Variants in SLC26A8 observed in about 807,000 individuals in gnomAD.
The protein encoded by SLC26A8 is testis anion transporter 1.
A neutral mutation model predicts 105.0 loss-of-function variants in SLC26A8; 70 were observed. The ratio of observed to expected loss-of-function variants is 0.67; its 90% confidence interval spans 0.55 to 0.81. The LOEUF (loss-of-function observed/expected upper bound fraction) is 0.81, where lower values mean the gene tolerates loss of function less well. Among genes scored for constraint, SLC26A8 ranks in the 40% least tolerant of loss-of-function variants. SLC26A8 has a pLI of 0.00. For synonymous variants in SLC26A8, 415 were observed against 438.3 expected (o/e 0.95, Z 0.66); for missense variants, 998 against 1,181.8 (o/e 0.84, Z 2.28).
At chr6:35,982,732 G>A (rs1394592120) in intron 7 of SLC26A8, among the ~76,000 whole-genome samples, 3 of 152,138 alleles carry the variant, frequency 2.0e-5, no homozygotes, top group Non-Finnish European at 4.4e-5. Flanking sequence ...AAAGTTTTTA[G>A]TTCCAGGTAC....
At chr6:35,994,405 C>T (rs560655238) in intron 5 of SLC26A8, among the ~76,000 whole-genome samples, 1 of 151,728 alleles carries the variant, frequency 6.6e-6, no homozygotes, top group Non-Finnish European at 1.5e-5. Context: ...TGAGCCACTG[C>T]GCCCTGCCAA....
chr6:36,008,051 C>T (rs995349480), intron 3 of SLC26A8, among the ~76,000 whole-genome samples: 10 of 145,310 alleles, frequency 6.9e-5, no homozygotes, highest in African/African-American at 1.0e-4. Context: ...ACTCGGGAGG[C>T]GGAGCTTGCA....
intron 11 of SLC26A8, 24 bp downstream of exon 11, chr6:35,968,853 A>G (rs1278387538): frequency 2.2e-6 from 3 of 1,350,522 alleles, no homozygotes; most frequent in African/African-American, 3.3e-5. Context: ...TTGTTGACTT[A>G]GTTATTTGAT....
At chr6:35,985,510 T>G (rs551479923) in intron 7 of SLC26A8, among the ~76,000 whole-genome samples, 5 of 151,616 alleles carry the variant, frequency 3.3e-5, no homozygotes, top group Admixed American at 6.6e-5. Flanking sequence ...CTGGCCAACA[T>G]GGTGAAACCC....
chr6:35,961,817 G>A (rs1772316862), intron 12 of SLC26A8, among the ~76,000 whole-genome samples: 2 of 152,132 alleles, frequency 1.3e-5, no homozygotes, highest in Admixed American at 1.3e-4. Flanking sequence ...TCTGACCTCC[G>A]GTTTTGTGCT....
intron 10 of SLC26A8, among the ~76,000 whole-genome samples, chr6:35,973,779 A>G (rs1405784515): frequency 1.2e-4 from 18 of 152,188 alleles, no homozygotes; most frequent in Admixed American, 1.2e-3. Context: ...TTCCATGTGA[A>G]AGTTGACTGT....
intron 7 of SLC26A8, among the ~76,000 whole-genome samples, chr6:35,989,133 C>T (rs770053950): frequency 6.6e-6 from 1 of 152,150 alleles, no homozygotes; most frequent in Non-Finnish European, 1.5e-5. Context: ...AGCCACCGCA[C>T]CCGGCCAGTT....
intron 16 of SLC26A8, among the ~76,000 whole-genome samples, chr6:35,956,428 CAAA>C (rs56146863): frequency 1.0e-3 from 107 of 105,828 alleles, no homozygotes; most frequent in Middle Eastern, 4.9e-3. Flanking sequence ...ACCTTATGTC[CAAA>C]AAAAAAAAAA....
chr6:35,948,117 C>T (rs1311507547), intron 19 of SLC26A8, among the ~76,000 whole-genome samples: 1 of 152,062 alleles, frequency 6.6e-6, no homozygotes, highest in Non-Finnish European at 1.5e-5. Context: ...TTTAATACAA[C>T]TCTAATGATT....
At chr6:35,979,125 T>C (rs1400892316) in intron 8 of SLC26A8, among the ~76,000 whole-genome samples, 2 of 151,082 alleles carry the variant, frequency 1.3e-5, no homozygotes, top group African/African-American at 4.9e-5. Flanking sequence ...GTGCTGGGAT[T>C]ACAGGCATGA....
At chr6:35,983,743 TG>T (rs1739620138) in intron 7 of SLC26A8, among the ~76,000 whole-genome samples, 1 of 151,874 alleles carries the variant, frequency 6.6e-6, no homozygotes, top group African/African-American at 2.4e-5. Flanking sequence ...TTAGTAGAGA[TG>T]GGGTTTTGCC....
In SLC26A8 at chr6:35,959,456, T is replaced by G. The variant is rs1306016851; in HGVS notation, c.1863+4A>C. On this transcript the variant is annotated splice_donor_region_variant and intron_variant, in intron 16 of 19. Coordinates refer to ENST00000490799, the MANE Select transcript of SLC26A8 (RefSeq NM_052961.4). The stretch of plus-strand genomic sequence containing the variant: ...AAACATAGGAAAGAAAAGGCATTTC[T>G]AACCCTGGGCAGCGGCTCCAGATCA... 1.9e-6 allele frequency: 3 copies of G among 1,603,110 alleles called. No individual in the cohort carries two copies. Among genetic ancestry groups the G allele is most frequent in the Non-Finnish European group, 2.5e-6 (3 of 1,177,142 alleles).
At chr6:35,946,553 A>G (rs184338158) in intron 19 of SLC26A8, among the ~76,000 whole-genome samples, 69 of 152,286 alleles carry the variant, frequency 4.5e-4, no homozygotes, top group African/African-American at 1.5e-3. Flanking sequence ...TGAATTCAAT[A>G]CACATGAAAT....
intron 11 of SLC26A8, among the ~76,000 whole-genome samples, chr6:35,965,302 G>A (rs558011219): frequency 2.6e-5 from 4 of 152,124 alleles, no homozygotes; most frequent in Non-Finnish European, 5.9e-5. Context: ...CTAAATATGA[G>A]AAAATGAGGA....
At chr6:35,999,713 G>C (rs1187257168) in intron 4 of SLC26A8, among the ~76,000 whole-genome samples, 3 of 152,180 alleles carry the variant, frequency 2.0e-5, no homozygotes, top group Non-Finnish European at 4.4e-5. Flanking sequence ...CTGGGTTGAG[G>C]GAAGTCAGAT....
rs1433099868 is a variant in SLC26A8, at chr6:35,991,532, A to C, written c.942+127T>G. 3 of 630,696 alleles carry C rather than the reference A, an allele frequency of 4.8e-6. No homozygotes were observed. In the East Asian group the frequency reaches 1.0e-4, roughly 21 times the overall value. The allele number at this position is 630,696 out of a possible 1,614,324, so 39.1% of individuals were successfully genotyped here. ...AATATTTTAGAAAAAGAAAACAAGC[A>C]TGTTTTCACAAATATAAGCATATAT... On this transcript the variant is annotated intron_variant, in intron 7 of 19. Coordinates refer to ENST00000490799, the MANE Select transcript of SLC26A8 (RefSeq NM_052961.4).
chr6:35,968,772 G>GACCCC lies in SLC26A8; in HGVS notation c.1365+104_1365+105insGGGGT. The GACCCC allele has an allele frequency of 6.8e-5, 7 of 103,686 alleles. 3 individuals carry two copies. The South Asian group carries it at 9.0e-4, about 13-fold the overall frequency. 6.4% of individuals were successfully genotyped at this position (103,686 alleles called of 1,614,324 possible). ...TCCGAATGCAATTCTCCTCGGAGAT[G>GACCCC]CCCGCCCCCCCGCCCCCAGCCCCTT... On this transcript the variant is annotated intron_variant, in intron 11 of 19. Transcript: ENST00000490799.
chr6:35,964,803 TA>T (rs1484593356), intron 11 of SLC26A8, among the ~76,000 whole-genome samples: 1 of 151,576 alleles, frequency 6.6e-6, no homozygotes, highest in Non-Finnish European at 1.5e-5. Context: ...TTGTCTCTAC[TA>T]AAAATACAAA....
At chr6:36,011,436 T>C (rs375621787) in intron 3 of SLC26A8, among the ~76,000 whole-genome samples, 2 of 152,246 alleles carry the variant, frequency 1.3e-5, no homozygotes, top group East Asian at 1.9e-4. Context: ...TGTTACAAAG[T>C]TGTTGATTCC....
Sources: gnomAD v4.1 joint callset for allele counts (sites outside exome capture counted in the v4.1 genomes callset) on GRCh38, gnomAD v4.1.1 for gene constraint, MANE v1.5 for transcripts, NCBI Gene and HGNC (gene_info 2026-07-23, HGNC 2026-07-21) for gene names.